Variants in NTM observed in about 807,000 individuals in gnomAD.
NTM encodes neurotrimin, also known as IgLON family member 2.
Under a neutral mutation model 42.1 loss-of-function variants are expected in NTM, and 13 were observed. That is an observed-to-expected ratio of 0.31 (90% confidence interval 0.20 to 0.49). The LOEUF (loss-of-function observed/expected upper bound fraction) is 0.49, where lower values mean the gene tolerates loss of function less well. Among genes scored for constraint, NTM ranks in the 20% least tolerant of loss-of-function variants. The probability of loss-of-function intolerance (pLI) is 0.99; values close to 1 mark genes in which losing one functional copy is unlikely to be tolerated. For synonymous variants in NTM, 187 were observed against 179.2 expected (o/e 1.04, Z -0.35); for missense variants, 373 against 452.8 (o/e 0.82, Z 1.60).
intron 4 of NTM, among the ~76,000 whole-genome samples, chr11:132,236,904 C>T (rs985122563): frequency 2.0e-5 from 3 of 152,186 alleles, no homozygotes; most frequent in African/African-American, 7.2e-5. Context: ...GCTGGTTTTT[C>T]CTGGGGACAC....
chr11:131,417,633 C>T (rs920365019), intron 1 of NTM, among the ~76,000 whole-genome samples: 7 of 152,072 alleles, frequency 4.6e-5, no homozygotes, highest in African/African-American at 4.8e-5. Flanking sequence ...GAAAATGACA[C>T]GTTCATTATT....
At chr11:131,952,400 C>T (rs1280204442) in intron 2 of NTM, among the ~76,000 whole-genome samples, 1 of 152,160 alleles carries the variant, frequency 6.6e-6, no homozygotes, top group East Asian at 1.9e-4. Flanking sequence ...TGTGTGTGCA[C>T]ACATATATGT....
intron 1 of NTM, among the ~76,000 whole-genome samples, chr11:131,559,568 C>G (rs559472124): frequency 7.6e-4 from 115 of 152,264 alleles, no homozygotes; most frequent in African/African-American, 2.7e-3. Context: ...AAAATAATGT[C>G]TCAGTTTCAA....
chr11:132,292,030 C>T (rs2094464198), intron 4 of NTM, among the ~76,000 whole-genome samples: 2 of 152,066 alleles, frequency 1.3e-5, no homozygotes, highest in South Asian at 4.1e-4. Context: ...GGTGTTAAGG[C>T]AGACATTAGA....
At chr11:132,291,700 T>A (rs2094455789) in intron 4 of NTM, among the ~76,000 whole-genome samples, 1 of 151,594 alleles carries the variant, frequency 6.6e-6, no homozygotes, top group Non-Finnish European at 1.5e-5. Context: ...TCCAGAGAGG[T>A]GGTTGGGCAG....
rs1334255472 is a variant in NTM at position 131,997,367 on chromosome 11, G to A, written c.167+85719G>A. On this transcript the variant is annotated intron_variant, in intron 2 of 8. Coordinates refer to ENST00000683400, the MANE Select transcript of NTM (RefSeq NM_001352005.2). ...CTGCAGGATGACTCTGGCTTTTTCTGGGTACGTGCGGAACACTGGGCCAGG... is the reference window on the plus strand; with the variant it reads ...CTGCAGGATGACTCTGGCTTTTTCTAGGTACGTGCGGAACACTGGGCCAGG... Among the ~76,000 whole-genome samples, 4 of 152,224 alleles carry A rather than the reference G, an allele frequency of 2.6e-5. 1 individual carries two copies. The highest frequency in any genetic ancestry group is 6.8e-3 in the Middle Eastern group (2 of 292).
chr11:132,275,690 TTA>T (rs1555059978), intron 4 of NTM, among the ~76,000 whole-genome samples: 2 of 100,168 alleles, frequency 2.0e-5, no homozygotes, highest in Admixed American at 9.6e-5. Context: ...ACTTGATGTT[TTA>T]TATATATATG....
At position 131,468,607 on chromosome 11, in the gene NTM, T is replaced by A. The variant is rs185086031; in HGVS notation, c.82+97719T>A. Among the ~76,000 whole-genome samples the A allele has an allele frequency of 1.4e-3, 208 of 152,328 alleles. 2 individuals are homozygous for A. Among genetic ancestry groups the A allele is most frequent in the Admixed American group, 0.011 (175 of 15,290 alleles). On this transcript the variant is annotated intron_variant, in intron 1 of 8. Coordinates refer to ENST00000683400, the MANE Select transcript of NTM (RefSeq NM_001352005.2). ...CAGTGAAAAAAGAGAGAAAATATCA[T>A]GTCAATGTCATTTGAATCATAATAG...
intron 2 of NTM, among the ~76,000 whole-genome samples, chr11:131,997,985 G>A (rs1231246893): frequency 6.6e-6 from 1 of 150,822 alleles, no homozygotes; most frequent in Non-Finnish European, 1.5e-5. Context: ...CTCACTCCCT[G>A]GTTCTTCCAC....
intron 2 of NTM, among the ~76,000 whole-genome samples, chr11:131,917,547 G>C (rs1045502616): frequency 1.3e-5 from 2 of 152,198 alleles, no homozygotes; most frequent in African/African-American, 2.4e-5. Flanking sequence ...AACAATGATA[G>C]TCAACTCCAG....
chr11:131,426,459 CT>C (rs1948146546), intron 1 of NTM, among the ~76,000 whole-genome samples: 1 of 152,180 alleles, frequency 6.6e-6, no homozygotes, highest in Non-Finnish European at 1.5e-5. Flanking sequence ...GAGAATTCCT[CT>C]GCTACCAGCC....
At chr11:132,092,121 C>A (rs2060446914) in intron 2 of NTM, among the ~76,000 whole-genome samples, 1 of 152,180 alleles carries the variant, frequency 6.6e-6, no homozygotes, top group Non-Finnish European at 1.5e-5. Context: ...GATAATTTTT[C>A]TTGTCTTTCC....
At chr11:132,144,782 T>C (rs1377732200) in intron 2 of NTM, among the ~76,000 whole-genome samples, 1 of 152,176 alleles carries the variant, frequency 6.6e-6, no homozygotes, top group Admixed American at 6.5e-5. Context: ...AGCCCACCTC[T>C]CATCTGCATT....
chr11:131,729,368 T>G (rs2079351891), intron 1 of NTM, among the ~76,000 whole-genome samples: 1 of 152,202 alleles, frequency 6.6e-6, no homozygotes, highest in African/African-American at 2.4e-5. Flanking sequence ...AGATGGGATG[T>G]CGAAAACAAG....
chr11:131,861,770 G>T (rs1592337966), intron 1 of NTM, among the ~76,000 whole-genome samples: 2 of 152,136 alleles, frequency 1.3e-5, no homozygotes, highest in Non-Finnish European at 2.9e-5. Flanking sequence ...AAGAAAAAAA[G>T]GTGTTGTAGG....
At chr11:131,677,128 T>A (rs1054369655) in intron 1 of NTM, among the ~76,000 whole-genome samples, 2 of 152,226 alleles carry the variant, frequency 1.3e-5, no homozygotes, top group Non-Finnish European at 2.9e-5. Flanking sequence ...AGGAACTCTG[T>A]GCCCTGGTGG....
At chr11:131,380,074 C>T (rs1942456912) in intron 1 of NTM, among the ~76,000 whole-genome samples, 1 of 152,162 alleles carries the variant, frequency 6.6e-6, no homozygotes, top group South Asian at 2.1e-4. Flanking sequence ...TTGGGGTTTC[C>T]TGTTGCTCCC....
intron 3 of NTM, among the ~76,000 whole-genome samples, chr11:132,151,602 T>A (rs2071925001): frequency 6.6e-6 from 1 of 152,228 alleles, no homozygotes; most frequent in African/African-American, 2.4e-5. Flanking sequence ...CTTTTGTCAC[T>A]GGAGTATCTA....
chr11:131,959,732 G>T (rs1296399080), intron 2 of NTM, among the ~76,000 whole-genome samples: 1 of 152,176 alleles, frequency 6.6e-6, no homozygotes, highest in Non-Finnish European at 1.5e-5. Flanking sequence ...CATTCAATTT[G>T]TCTAATACAG....
Sources: gnomAD v4.1 joint callset for allele counts (sites outside exome capture counted in the v4.1 genomes callset) on GRCh38, gnomAD v4.1.1 for gene constraint, MANE v1.5 for transcripts, NCBI Gene and HGNC (gene_info 2026-07-23, HGNC 2026-07-21) for gene names.